The following MYO10 variants were observed in gnomAD, a reference collection of about 807,000 sequenced individuals.
MYO10 encodes the protein myosin X, also known as unconventional myosin-X.
A neutral mutation model predicts 257.3 loss-of-function variants in MYO10; 133 were observed. The observed-to-expected ratio is 0.52, with a 90% CI of 0.45 to 0.60. MYO10 has a LOEUF of 0.60. Among genes scored for constraint, MYO10 ranks in the 20% least tolerant of loss-of-function variants. The pLI is 0.00. For missense variants in MYO10, 2,399 were observed against 2,635.7 expected (o/e 0.91, Z 1.97); for synonymous variants, 1,104 against 1,028.6 (o/e 1.07, Z -1.40).
At chr5:16,705,117 G>C (rs1738272577) in intron 21 of MYO10, among the ~76,000 whole-genome samples, 1 of 152,206 alleles carries the variant, frequency 6.6e-6, no homozygotes, top group Non-Finnish European at 1.5e-5. Context: ...GGAAGGAAGG[G>C]AAGCCAAGAA....
chr5:16,866,348 C>T (rs78787695), intron 2 of MYO10, among the ~76,000 whole-genome samples: 7,191 of 152,274 alleles, frequency 0.047, 243 homozygotes, highest in South Asian at 0.16. Context: ...ATACTGTCAT[C>T]AGACAGAAGA....
intron 1 of MYO10, among the ~76,000 whole-genome samples, chr5:16,880,935 T>G (rs1287307249): frequency 6.6e-6 from 1 of 152,190 alleles, no homozygotes; most frequent in Admixed American, 6.5e-5. Flanking sequence ...CTCTCTTTAA[T>G]TCACATGTCA....
intron 19 of MYO10, among the ~76,000 whole-genome samples, chr5:16,754,409 TTCA>T (rs1168199226): frequency 1.3e-5 from 2 of 152,124 alleles, no homozygotes; most frequent in Admixed American, 6.5e-5. Flanking sequence ...TTAAAGCCTC[TTCA>T]TCGTGTTTAA....
intron 1 of MYO10, among the ~76,000 whole-genome samples, chr5:16,915,253 T>C (rs1561056966): frequency 6.6e-6 from 1 of 152,172 alleles, no homozygotes; most frequent in East Asian, 1.9e-4. Context: ...ACAACTGGGT[T>C]CCAAGCCATA....
chr5:16,673,965 G>A, intron 35 of MYO10, 76 bp from the exon 36 acceptor site: 1 of 1,363,852 alleles, frequency 7.3e-7, no homozygotes, highest in Non-Finnish European at 1.0e-6. Flanking sequence ...CTGTGCCAAG[G>A]TTCTGTAGAC....
chr5:16,805,572 C>T (rs533536006), intron 3 of MYO10, among the ~76,000 whole-genome samples: 1 of 152,206 alleles, frequency 6.6e-6, no homozygotes, highest in Non-Finnish European at 1.5e-5. Context: ...ATTGTTACCG[C>T]TCCACAAACG....
chr5:16,834,580 C>T (rs31504), intron 2 of MYO10, among the ~76,000 whole-genome samples: 4,520 of 152,256 alleles, frequency 0.03, 201 homozygotes, highest in African/African-American at 0.1. Flanking sequence ...GCAGCTACCA[C>T]GTGTGGTACT....
intron 40 of MYO10, among the ~76,000 whole-genome samples, chr5:16,667,916 T>C (rs1443603606): frequency 2.6e-5 from 4 of 152,164 alleles, no homozygotes; most frequent in Non-Finnish European, 5.9e-5. Flanking sequence ...GAGCCGAGTC[T>C]CACAGCTGTG....
chr5:16,713,511 CTAAT>C (rs1384725687), intron 19 of MYO10: 2 of 984,408 alleles, frequency 2.0e-6, no homozygotes, highest in Non-Finnish European at 2.4e-6. Flanking sequence ...CATTCTCGGG[CTAAT>C]TAGTGTGGTG....
chr5:16,894,894 C>T (rs1322695478), intron 1 of MYO10, among the ~76,000 whole-genome samples: 1 of 152,146 alleles, frequency 6.6e-6, no homozygotes, highest in Non-Finnish European at 1.5e-5. Flanking sequence ...TAGCCAAGTG[C>T]CAGTGTAGAC....
At chr5:16,802,590 G>A (rs941455983) in intron 3 of MYO10, among the ~76,000 whole-genome samples, 1 of 147,930 alleles carries the variant, frequency 6.8e-6, no homozygotes, top group Non-Finnish European at 1.5e-5. Context: ...CCGGGAGGCA[G>A]AGCTTGCAGT....
chr5:16,774,903 C>G (rs944947307), intron 9 of MYO10, among the ~76,000 whole-genome samples: 2 of 152,158 alleles, frequency 1.3e-5, no homozygotes, highest in African/African-American at 4.8e-5. Context: ...TGAATTCACG[C>G]ATGCGTACAC....
rs751566776 is a variant in MYO10, at chr5:16,765,991, TA to T, written c.1179+88del. ...ATTAATATATTACAGTTACAACTGTTATTATAATTACATATTTCAATCAAAC... is the reference window on the plus strand; with the variant it reads ...ATTAATATATTACAGTTACAACTGTTTTATAATTACATATTTCAATCAAAC... On this transcript the variant is annotated intron_variant, in intron 11 of 40. Coordinates refer to ENST00000513610, the MANE Select transcript of MYO10 (RefSeq NM_012334.3). 314 of 871,030 alleles carry T rather than the reference TA, an allele frequency of 3.6e-4. 1 individual carries two copies. Among genetic ancestry groups the T allele is most frequent in the Non-Finnish European group, 5.4e-4 (289 of 535,088 alleles). 54.0% of individuals were successfully genotyped at this position (871,030 alleles called of 1,614,324 possible).
chr5:16,836,192 G>C (rs914011011), intron 2 of MYO10, among the ~76,000 whole-genome samples: 2 of 152,078 alleles, frequency 1.3e-5, no homozygotes, highest in Admixed American at 1.3e-4. Flanking sequence ...CTTTCTTTCT[G>C]GTGATATCCT....
chr5:16,913,746 G>A (rs17614462), intron 1 of MYO10, among the ~76,000 whole-genome samples: 9,914 of 152,222 alleles, frequency 0.065, 326 homozygotes, highest in Non-Finnish European at 0.079. Flanking sequence ...ACCAGGATAC[G>A]TAAGTATGAG....
chr5:16,780,443 A>C (rs1470311234), intron 8 of MYO10, 81 bp downstream of exon 8: 8 of 1,262,200 alleles, frequency 6.3e-6, no homozygotes, highest in Non-Finnish European at 9.0e-6. Context: ...ACATTAAAAC[A>C]GATGTTCTCT....
chr5:16,875,147 G>A (rs1031622670), intron 2 of MYO10, among the ~76,000 whole-genome samples: 2 of 152,178 alleles, frequency 1.3e-5, no homozygotes, highest in Non-Finnish European at 2.9e-5. Context: ...GTTGATATTT[G>A]GGTGGGGACA....
chr5:16,718,651 T>C (rs1446279988), intron 19 of MYO10, among the ~76,000 whole-genome samples: 1 of 152,094 alleles, frequency 6.6e-6, no homozygotes, highest in African/African-American at 2.4e-5. Flanking sequence ...ACCCTGTGTT[T>C]AGCTCAAGGT....
chr5:16,751,102 T>A (rs776093084), intron 19 of MYO10, among the ~76,000 whole-genome samples: 6 of 152,042 alleles, frequency 3.9e-5, no homozygotes, highest in Non-Finnish European at 7.4e-5. Flanking sequence ...TTGAATACGA[T>A]CTCCCAAGTC....
Sources: gnomAD v4.1 joint callset for allele counts (sites outside exome capture counted in the v4.1 genomes callset) on GRCh38, gnomAD v4.1.1 for gene constraint, MANE v1.5 for transcripts, NCBI Gene and HGNC (gene_info 2026-07-23, HGNC 2026-07-21) for gene names.